Variants in COL26A1 observed in about 807,000 individuals in gnomAD.
The protein encoded by COL26A1 is collagen type XXVI alpha 1 chain, also known as collagen alpha-1(XXVI) chain.
COL26A1 carries 41 observed loss-of-function variants against 59.3 expected under a neutral mutation model. That is an observed-to-expected ratio of 0.69 (90% CI 0.54 to 0.90). The LOEUF is 0.90. COL26A1 is among the 40% of genes least tolerant of loss of function. The pLI is 0.00. For synonymous variants in COL26A1, 266 were observed against 256.0 expected (o/e 1.04, Z -0.37); for missense variants, 612 against 602.3 (o/e 1.02, Z -0.17).
chr7:101,551,516 C>G (rs73715305), intron 10 of COL26A1, among the ~76,000 whole-genome samples: 1 of 152,100 alleles, frequency 6.6e-6, no homozygotes, highest in African/African-American at 2.4e-5. Flanking sequence ...TTCCTTTAAT[C>G]GACTTTCTTG....
At chr7:101,394,232 C>A (rs1584368548) in intron 1 of COL26A1, among the ~76,000 whole-genome samples, 1 of 152,098 alleles carries the variant, frequency 6.6e-6, no homozygotes, top group South Asian at 2.1e-4. Flanking sequence ...AGCCTCCAGC[C>A]AAGGGACAGG....
rs142428959 is a variant in COL26A1 at position 101,428,018 on chromosome 7, C to T, written c.281+7919C>T. Among the ~76,000 whole-genome samples the T allele has an allele frequency of 1.3e-4, 20 of 152,204 alleles. No homozygotes were observed. The East Asian group carries it at 3.3e-3, about 25-fold the overall frequency. On this transcript the variant is annotated intron_variant, in intron 2 of 12. Coordinates refer to ENST00000313669, the MANE Select transcript of COL26A1 (RefSeq NM_001278563.3). ...CTATTTTACACATTTGTGATTTCTACGGCGTGAGTATATTCTAGATTTATT... is the reference window on the plus strand; with the variant it reads ...CTATTTTACACATTTGTGATTTCTATGGCGTGAGTATATTCTAGATTTATT...
intron 2 of COL26A1, among the ~76,000 whole-genome samples, chr7:101,425,761 C>T (rs1004940590): frequency 4.0e-5 from 6 of 151,516 alleles, no homozygotes; most frequent in African/African-American, 1.2e-4. Context: ...CCTCCCTCGG[C>T]CTCCCAAAGT....
Position 101,493,920 on chromosome 7 carries a change from G to A in COL26A1, c.386-39162G>A, listed in dbSNP as rs533488718. Among the ~76,000 whole-genome samples the A allele has an allele frequency of 9.9e-3, 1,412 of 142,858 alleles. 15 individuals are homozygous for A. Among genetic ancestry groups the A allele is most frequent in the Non-Finnish European group, 0.015 (990 of 65,920 alleles). 93.7% of individuals were successfully genotyped at this position (142,858 alleles called of 152,430 possible). A position where few individuals can be genotyped will look rare whatever the true frequency, so the allele number is the denominator to read the frequency against. ...TGCACTCCAGCCTGGGCAACAGAGCGAGACTCTGTCTCAAAAAAAAAAAAA... is the reference window on the plus strand; with the variant it reads ...TGCACTCCAGCCTGGGCAACAGAGCAAGACTCTGTCTCAAAAAAAAAAAAA... On this transcript the variant is annotated intron_variant, in intron 3 of 12. Transcript: ENST00000313669.
chr7:101,421,475 G>A (rs890086464), intron 2 of COL26A1, among the ~76,000 whole-genome samples: 4 of 152,066 alleles, frequency 2.6e-5, no homozygotes, highest in African/African-American at 9.7e-5. Flanking sequence ...AGGACTTTGA[G>A]AGCAGCCTGG....
chr7:101,519,222 T>C (rs1446059233), intron 3 of COL26A1, among the ~76,000 whole-genome samples: 2 of 152,318 alleles, frequency 1.3e-5, no homozygotes, highest in Admixed American at 1.3e-4. Context: ...ATGCACCTTT[T>C]TGGGAGCTCT....
Position 101,539,244 on chromosome 7 carries a change from TCTC to T in COL26A1, c.448-644_448-642del, listed in dbSNP as rs1253859034. On this transcript the variant is annotated intron_variant, in intron 4 of 12. Transcript: ENST00000313669. ...GGCCTATTTATACCCACCCTTTCAC[TCTC>T]CTCCCTCCCTTTCTTCCCTTCCTTT... Among the ~76,000 whole-genome samples, 5 of 152,062 alleles carry T rather than the reference TCTC, an allele frequency of 3.3e-5. No homozygotes were observed. In the South Asian group the frequency reaches 8.3e-4, roughly 25 times the overall value.
chr7:101,403,048 T>G (rs1792052263), intron 1 of COL26A1, among the ~76,000 whole-genome samples: 1 of 151,964 alleles, frequency 6.6e-6, no homozygotes, highest in Non-Finnish European at 1.5e-5. Flanking sequence ...CTCGCTGTAT[T>G]GCCCAGGCTG....
At chr7:101,478,232 C>A (rs1186202919) in intron 3 of COL26A1, among the ~76,000 whole-genome samples, 2 of 152,190 alleles carry the variant, frequency 1.3e-5, no homozygotes, top group Non-Finnish European at 2.9e-5. Flanking sequence ...CCACCCACCT[C>A]AGCCTCCCAG....
In COL26A1 at chr7:101,416,062, C is replaced by CTA. The variant is rs566044743; in HGVS notation, c.159-3911_159-3910dup. The stretch of plus-strand genomic sequence containing the variant: ...AATATTTGCTTATACATTTAAATCT[C>CTA]TATATGGAATTTTTTTTTCTTGTTC... On this transcript the variant is annotated intron_variant, in intron 1 of 12. Coordinates refer to ENST00000313669, the MANE Select transcript of COL26A1 (RefSeq NM_001278563.3). Among the ~76,000 whole-genome samples, 364 of 143,560 alleles carry CTA rather than the reference C, an allele frequency of 2.5e-3. 22 individuals carry two copies. The highest frequency in any genetic ancestry group is 8.6e-3 in the African/African-American group (351 of 40,606). The allele number at this position is 143,560 out of a possible 152,430, so 94.2% of individuals were successfully genotyped here. A position where few individuals can be genotyped will look rare whatever the true frequency, so the allele number is the denominator to read the frequency against.
intron 1 of COL26A1, among the ~76,000 whole-genome samples, chr7:101,402,741 TCCTC>T (rs142525615): frequency 3.4e-4 from 41 of 121,122 alleles, no homozygotes; most frequent in African/African-American, 7.2e-4. Context: ...TTCCCTTCCT[TCCTC>T]CCTCCCTCCC....
At chr7:101,530,106 G>A (rs997044629) in intron 3 of COL26A1, among the ~76,000 whole-genome samples, 8 of 152,138 alleles carry the variant, frequency 5.3e-5, no homozygotes, top group Non-Finnish European at 1.0e-4. Context: ...TGAATGTATA[G>A]GTGGGTAGAT....
In COL26A1 at chr7:101,363,160, G is replaced by C; in HGVS notation, c.128G>C (p.Gly43Ala). 1 of 1,446,730 alleles carries C rather than the reference G, an allele frequency of 6.9e-7. No homozygotes were observed. Among genetic ancestry groups the C allele is most frequent in the Non-Finnish European group, 9.1e-7 (1 of 1,101,170 alleles). 89.6% of individuals were successfully genotyped at this position (1,446,730 alleles called of 1,614,324 possible). ...QQHGYPEPGA[G>A]SPGSGYASRR... is the part of the protein sequence containing the mutation. ...CACGGCTACCCCGAGCCCGGCGCCG[G>C]CTCCCCTGGCAGCGGCTACGCGAGC... The change falls in exon 1 of 13, where the codon GGC becomes GCC. Residue 43 changes from glycine (G) to alanine (A), a missense_variant. Physicochemically the swap from Gly to Ala is moderately conservative, Grantham distance 60 (BLOSUM62 0). Coordinates refer to ENST00000313669, the MANE Select transcript of COL26A1 (RefSeq NM_001278563.3).
At chr7:101,451,707 CTTTTT>C (rs60481013) in intron 3 of COL26A1, among the ~76,000 whole-genome samples, 1 of 139,158 alleles carries the variant, frequency 7.2e-6, no homozygotes, top group Non-Finnish European at 1.6e-5. Context: ...TCATTTGCAT[CTTTTT>C]TTTTTTTTTT....
intron 3 of COL26A1, among the ~76,000 whole-genome samples, chr7:101,455,280 G>A (rs1793442117): frequency 6.6e-6 from 1 of 151,860 alleles, no homozygotes; most frequent in Non-Finnish European, 1.5e-5. Context: ...CTGGGCTCAA[G>A]CAATCCACCT....
intron 3 of COL26A1, among the ~76,000 whole-genome samples, chr7:101,510,898 C>CTTTCT (rs1426822757): frequency 4.3e-4 from 56 of 130,920 alleles, no homozygotes; most frequent in African/African-American, 5.2e-4. Flanking sequence ...TTCTTTCTTT[C>CTTTCT]TTTTTTTTTT....
intron 1 of COL26A1, among the ~76,000 whole-genome samples, chr7:101,398,914 C>T (rs1013359589): frequency 5.3e-5 from 8 of 152,004 alleles, no homozygotes; most frequent in African/African-American, 1.4e-4. Context: ...GGGAGTGGTG[C>T]GGGATGCTTA....
At chr7:101,385,817 G>A (rs1368245656) in intron 1 of COL26A1, among the ~76,000 whole-genome samples, 2 of 152,104 alleles carry the variant, frequency 1.3e-5, no homozygotes, top group Non-Finnish European at 2.9e-5. Context: ...CCATTCTCCT[G>A]CCTCAGCCTC....
At chr7:101,514,254 C>G (rs942222958) in intron 3 of COL26A1, among the ~76,000 whole-genome samples, 3 of 152,072 alleles carry the variant, frequency 2.0e-5, no homozygotes, top group Admixed American at 6.6e-5. Context: ...AGGAGAATTG[C>G]TTGAACCCAG....
Sources: gnomAD v4.1 joint callset for allele counts (sites outside exome capture counted in the v4.1 genomes callset) on GRCh38, gnomAD v4.1.1 for gene constraint, MANE v1.5 for transcripts, NCBI Gene and HGNC (gene_info 2026-07-23, HGNC 2026-07-21) for gene names.